Variants in PLA2G7 observed in about 807,000 individuals in gnomAD.
PLA2G7 encodes phospholipase A2 group VII, also known as platelet-activating factor acetylhydrolase.
Under a neutral mutation model 49.6 loss-of-function variants are expected in PLA2G7, and 63 were observed. The observed-to-expected ratio is 1.27, with a 90% CI of 1.04 to 1.57. The LOEUF (loss-of-function observed/expected upper bound fraction) is 1.57, where lower values mean the gene tolerates loss of function less well. PLA2G7 is among the 40% of genes most tolerant of loss of function. The probability of loss-of-function intolerance (pLI) is 0.00; values close to 1 mark genes in which losing one functional copy is unlikely to be tolerated. For synonymous variants in PLA2G7, 193 were observed against 169.9 expected, an observed-to-expected ratio of 1.14 and a Z score of -1.06; for missense variants, 596 against 521.2, an observed-to-expected ratio of 1.14 and a Z score of -1.40.
chr6:46,725,641 G>T (rs1246636282), intron 1 of PLA2G7, among the ~76,000 whole-genome samples: 2 of 152,070 alleles, frequency 1.3e-5, no homozygotes, highest in African/African-American at 4.8e-5. Flanking sequence ...TTATAATTTT[G>T]GTTGATTTTA....
In PLA2G7 at chr6:46,711,614, C is replaced by A. The variant is rs146433848; in HGVS notation, c.545G>T (p.Arg182Ile). 1,767 of 1,613,504 alleles carry A rather than the reference C, an allele frequency of 1.1e-3. 24 individuals carry two copies. In the South Asian group the frequency reaches 0.018, roughly 17 times the overall value. ...GAAATAGTAAGTTGCAGATGCAGAT[C>A]TATCTCTATAATACAAGCAAAATTA... is the stretch of plus-strand genomic sequence containing the variant. ...FIVAAVEHRD[R>I]SASATYYFKD... The change falls in exon 7 of 12, where the codon AGA (arginine) becomes ATA (isoleucine). Residue 182 changes from arginine to isoleucine, a missense_variant. By Grantham distance (97) the Arg-to-Ile change is moderately conservative (BLOSUM62 -3). Transcript: ENST00000274793.
In PLA2G7 at chr6:46,723,141, G is replaced by A. The variant is rs557733384; in HGVS notation, c.-34-216C>T. On this transcript the variant is annotated intron_variant, in intron 1 of 11. Transcript: ENST00000274793. ...ACTAAGGATTACATTGGATTGTAGA[G>A]CAGAGAAATAATACTTTCAGACAGT... Among the ~76,000 whole-genome samples the A allele has an allele frequency of 8.5e-4, 129 of 152,278 alleles. 1 individual carries two copies. In the South Asian group the frequency reaches 0.022, roughly 26 times the overall value.
intron 6 of PLA2G7, 151 bp from the exon 7 acceptor site, chr6:46,711,770 C>A (rs1413169926): frequency 3.6e-6 from 3 of 840,006 alleles, no homozygotes; most frequent in Non-Finnish European, 3.8e-6. Context: ...TTAAAGAAGA[C>A]TGTAAAAGAG....
At chr6:46,734,437 A>T (rs1562083780) in intron 1 of PLA2G7, among the ~76,000 whole-genome samples, 2,075 of 26,502 alleles carry the variant, frequency 0.078, 279 homozygotes, top group African/African-American at 0.21. Context: ...AGAGAGAGAG[A>T]GAGAGAGAGA....
Position 46,716,133 on chromosome 6 carries a change from G to C in PLA2G7, c.376+251C>G, listed in dbSNP as rs147570030. On this transcript the variant is annotated intron_variant, in intron 4 of 11. Transcript: ENST00000274793. ...CATGGTATGTCAGATGAAAACTAAA[G>C]AGCAGCCACAGAAAGATGTCAGAGT... Among the ~76,000 whole-genome samples the C allele has an allele frequency of 3.1e-3, 479 of 152,322 alleles. 2 individuals are homozygous for C. Among genetic ancestry groups the C allele is most frequent in the Non-Finnish European group, 4.9e-3 (336 of 68,026 alleles).
At chr6:46,727,123 C>T (rs45627532) in intron 1 of PLA2G7, among the ~76,000 whole-genome samples, 207 of 152,282 alleles carry the variant, frequency 1.4e-3, no homozygotes, top group African/African-American at 4.8e-3. Flanking sequence ...TTCTGCCTCT[C>T]TCCTGCAGAC....
chr6:46,732,474 G>C (rs1241672872), intron 1 of PLA2G7, among the ~76,000 whole-genome samples: 1 of 151,812 alleles, frequency 6.6e-6, no homozygotes, highest in Non-Finnish European at 1.5e-5. Flanking sequence ...CTCAATTCTA[G>C]AATGTGAGCA....
chr6:46,704,916 C>T (rs139830221), intron 11 of PLA2G7, among the ~76,000 whole-genome samples: 1 of 152,162 alleles, frequency 6.6e-6, no homozygotes, highest in African/African-American at 2.4e-5. Flanking sequence ...CATGGAAGTC[C>T]ACTCTAGGCT....
intron 10 of PLA2G7, 63 bp downstream of exon 10, chr6:46,707,928 C>T (rs966484747): frequency 2.9e-5 from 29 of 997,868 alleles, no homozygotes; most frequent in Non-Finnish European, 4.5e-5. Context: ...CAAATGATAT[C>T]GATTGATATT....
intron 3 of PLA2G7, 41 bp from the exon 4 acceptor site, chr6:46,716,569 T>C (rs759429602): frequency 6.2e-6 from 10 of 1,600,282 alleles, no homozygotes; most frequent in Non-Finnish European, 8.6e-6. Context: ...AGAAGTTGTG[T>C]CTCAAACATA....
At chr6:46,706,103 A>G (rs1764817242) in intron 10 of PLA2G7, among the ~76,000 whole-genome samples, 1 of 152,146 alleles carries the variant, frequency 6.6e-6, no homozygotes, top group Non-Finnish European at 1.5e-5. Flanking sequence ...TTATCATGTA[A>G]ATTATGTAAT....
chr6:46,734,748 G>A (rs1224379734), intron 1 of PLA2G7, among the ~76,000 whole-genome samples: 9 of 151,756 alleles, frequency 5.9e-5, no homozygotes, highest in Non-Finnish European at 1.2e-4. Context: ...GCTTGAACCC[G>A]GGAGACAGAG....
chr6:46,718,596 G>A (rs1765291711), intron 2 of PLA2G7, among the ~76,000 whole-genome samples: 2 of 152,176 alleles, frequency 1.3e-5, no homozygotes, highest in Non-Finnish European at 2.9e-5. Flanking sequence ...CTGCACCTTT[G>A]TAAATGCTAC....
In PLA2G7 at chr6:46,716,367, A is replaced by G; in HGVS notation, c.376+17T>C. The G allele has an allele frequency of 6.2e-7, 1 of 1,613,810 alleles. No homozygotes were observed. Among genetic ancestry groups the G allele is most frequent in the Non-Finnish European group, 8.5e-7 (1 of 1,179,702 alleles). On this transcript the variant is annotated intron_variant, in intron 4 of 11. Coordinates refer to ENST00000274793, the MANE Select transcript of PLA2G7 (RefSeq NM_005084.4). ...TACATGCAAGAGCCTACAAAGAAGG[A>G]TCAACAGAAATCTTACCAAAGAGTA...
chr6:46,734,415 TGAGAGAGAGAGAGAGAGAGAGA>T (rs70996386), intron 1 of PLA2G7, among the ~76,000 whole-genome samples: 691 of 54,262 alleles, frequency 0.013, 83 homozygotes, highest in South Asian at 0.029. Flanking sequence ...TGTGTGTGTG[TGAGAGAGAGAGAGAGAGAGAGA>T]GAGAGAGAGA....
intron 1 of PLA2G7, among the ~76,000 whole-genome samples, chr6:46,734,453 A>AT (rs1562083834): frequency 9.1e-6 from 1 of 109,292 alleles, no homozygotes; most frequent in African/African-American, 4.5e-5. Context: ...AGAGAGAGAG[A>AT]GAGAGAGAGA....
chr6:46,710,654 C>A lies in PLA2G7; in HGVS notation c.668G>T (p.Arg223Leu), dbSNP rs140695465. ...EETHIRNEQV[R>L]QRAKECSQAL... The stretch of plus-strand genomic sequence containing the variant: ...TTGGGAACATTCTTTTGCTCTTTGC[C>A]GTACCTAATATAATTATTAGAAGAA... The change falls in exon 8 of 12, where the codon CGG (arginine) becomes CTG (leucine). Residue 223 changes from arginine to leucine, a missense_variant. Coordinates refer to ENST00000274793, the MANE Select transcript of PLA2G7 (RefSeq NM_005084.4). 4.4e-6 allele frequency: 7 copies of A among 1,600,442 alleles called. No homozygotes were observed. The highest frequency in any genetic ancestry group is 1.3e-5 in the African/African-American group (1 of 74,594).
chr6:46,710,550 G>A lies in PLA2G7; in HGVS notation c.772C>T (p.Leu258=). 6.3e-7 allele frequency: 1 copy of A among 1,577,672 alleles called. No individual in the cohort carries two copies. Among genetic ancestry groups the A allele is most frequent in the Non-Finnish European group, 8.7e-7 (1 of 1,146,940 alleles). The change falls in exon 8 of 12, where the codon CTG becomes TTG. Residue 258 remains leucine (L), a synonymous_variant. Transcript: ENST00000274793. ...AATTACTTTTTATAGCTTACCTTCAGTTGTTCCATATCAAACTTTAAATCT... is the reference window on the plus strand; with the variant it reads ...AATTACTTTTTATAGCTTACCTTCAATTGTTCCATATCAAACTTTAAATCT... ...ALDLKFDMEQ[L]KDSIDREKIA...
intron 2 of PLA2G7, among the ~76,000 whole-genome samples, chr6:46,717,857 G>C (rs1169571906): frequency 6.6e-6 from 1 of 151,774 alleles, no homozygotes; most frequent in Non-Finnish European, 1.5e-5. Flanking sequence ...GATTACAGGT[G>C]TAGGCATGTG....
Sources: allele counts gnomAD v4.1 joint callset (sites outside exome capture counted in the v4.1 genomes callset), GRCh38; gene constraint gnomAD v4.1.1; transcripts MANE v1.5; gene names NCBI Gene and HGNC (gene_info 2026-07-23, HGNC 2026-07-21).